The following ANKRD17 variants were observed in gnomAD, a reference collection of about 807,000 sequenced individuals.
ANKRD17 encodes the protein ankyrin repeat domain 17.
In ANKRD17, 19 loss-of-function variants were observed where a neutral mutation model predicts 229.7. The observed-to-expected ratio is 0.08, with a 90% confidence interval of 0.06 to 0.12. The LOEUF is 0.12. Ranked by LOEUF, ANKRD17 falls within the 10% of genes least tolerant of loss-of-function variation. ANKRD17 has a pLI of 1.00. For missense variants in ANKRD17, 2,176 were observed against 3,176.8 expected (o/e 0.68, Z 7.57); for synonymous variants, 1,112 against 1,146.1 (o/e 0.97, Z 0.60).
intron 2 of ANKRD17, among the ~76,000 whole-genome samples, chr4:73,164,332 A>G (rs1158478288): frequency 3.3e-5 from 5 of 152,256 alleles, no homozygotes; most frequent in South Asian, 2.1e-4. Flanking sequence ...TTGTATCTTC[A>G]TAAGTAAAGA....
chr4:73,098,024 G>A, intron 26 of ANKRD17, 49 bp downstream of exon 26: 2 of 1,487,168 alleles, frequency 1.3e-6, no homozygotes, highest in Middle Eastern at 2.1e-4. Flanking sequence ...CAGTAATAAG[G>A]TATTTCATGA....
intron 1 of ANKRD17, among the ~76,000 whole-genome samples, chr4:73,192,960 T>C (rs1158502754): frequency 6.6e-6 from 1 of 152,200 alleles, no homozygotes; most frequent in African/African-American, 2.4e-5. Flanking sequence ...TATTGAAGTA[T>C]ACTTTAGAGT....
intron 1 of ANKRD17, among the ~76,000 whole-genome samples, chr4:73,215,388 T>C (rs1050739725): frequency 2.6e-5 from 4 of 151,954 alleles, no homozygotes; most frequent in Non-Finnish European, 5.9e-5. Flanking sequence ...GCCTGCCGAG[T>C]AGCTGGGACT....
chr4:73,094,741 A>G (rs1342035658), intron 27 of ANKRD17, among the ~76,000 whole-genome samples: 1 of 150,724 alleles, frequency 6.6e-6, no homozygotes, highest in African/African-American at 2.4e-5. Context: ...TATATATTAT[A>G]TGTGTGTGTG....
intron 29 of ANKRD17, among the ~76,000 whole-genome samples, chr4:73,089,710 GT>G (rs937950314): frequency 6.6e-6 from 1 of 151,858 alleles, no homozygotes; most frequent in African/African-American, 2.4e-5. Context: ...AAAGTAAAAA[GT>G]TTTTTTTAAA....
At chr4:73,189,767 C>A (rs1303215564) in intron 1 of ANKRD17, among the ~76,000 whole-genome samples, 2 of 152,118 alleles carry the variant, frequency 1.3e-5, no homozygotes, top group East Asian at 1.9e-4. Flanking sequence ...ACTACCACAG[C>A]CTGAAATTAT....
intron 1 of ANKRD17, among the ~76,000 whole-genome samples, chr4:73,189,395 C>T (rs988146772): frequency 6.4e-5 from 9 of 141,388 alleles, no homozygotes; most frequent in South Asian, 2.2e-4. Flanking sequence ...TATTCCTCTG[C>T]CTGGAATGTT....
intron 1 of ANKRD17, among the ~76,000 whole-genome samples, chr4:73,215,516 C>T (rs1258057995): frequency 6.6e-6 from 1 of 152,152 alleles, no homozygotes; most frequent in Non-Finnish European, 1.5e-5. Context: ...TCTCAGCCTC[C>T]CAAAGTGCTG....
chr4:73,232,722 AC>A (rs1032418731), intron 1 of ANKRD17, among the ~76,000 whole-genome samples: 1 of 151,068 alleles, frequency 6.6e-6, no homozygotes, highest in Non-Finnish European at 1.5e-5. Flanking sequence ...TGTCTGCAAT[AC>A]CCCCCCTTTT....
chr4:73,238,751 T>C (rs72663022), intron 1 of ANKRD17, among the ~76,000 whole-genome samples: 1 of 152,230 alleles, frequency 6.6e-6, no homozygotes, highest in Non-Finnish European at 1.5e-5. Context: ...AACATATTTC[T>C]TGAGCAATTA....
In ANKRD17 at chr4:73,082,527, G is replaced by A. The variant is rs1375162773; in HGVS notation, c.7159+2722C>T. On this transcript the variant is annotated intron_variant, in intron 30 of 33. Coordinates refer to ENST00000358602, the MANE Select transcript of ANKRD17 (RefSeq NM_032217.5). The stretch of plus-strand genomic sequence containing the variant: ...GAGAGGAGAGAGGAGAGAACAAAAA[G>A]TGCTTCTACAGTAAAATTACATGAA... Among the ~76,000 whole-genome samples, 3 of 152,164 alleles carry A rather than the reference G, an allele frequency of 2.0e-5. No homozygotes were observed. The South Asian group carries it at 6.2e-4, about 32-fold the overall frequency.
chr4:73,216,484 C>T (rs929136716), intron 1 of ANKRD17, among the ~76,000 whole-genome samples: 3 of 152,012 alleles, frequency 2.0e-5, no homozygotes, highest in East Asian at 1.9e-4. Flanking sequence ...TGTCAAATGG[C>T]GGGGGTGACA....
intron 2 of ANKRD17, among the ~76,000 whole-genome samples, chr4:73,163,071 G>T (rs917303829): frequency 2.1e-5 from 3 of 144,764 alleles, no homozygotes; most frequent in Non-Finnish European, 3.0e-5. Flanking sequence ...TCACTATGTT[G>T]CCCAAGCTGG....
rs770291958 is a variant in ANKRD17, at chr4:73,148,804, T to TA, written c.1567+8dup. 4.0e-5 allele frequency: 65 copies of TA among 1,607,812 alleles called. No individual in the cohort carries two copies. The highest frequency in any genetic ancestry group is 4.9e-5 in the Non-Finnish European group (57 of 1,174,408). On this transcript the variant is annotated intron_variant, in intron 8 of 33. Transcript: ENST00000358602. ...ATTTATACTTTAGTGTCTTGATAGATACGGTTACCTTGACCAAGAAGTAAT... is the reference window on the plus strand; with the variant it reads ...ATTTATACTTTAGTGTCTTGATAGATAACGGTTACCTTGACCAAGAAGTAAT...
In ANKRD17 at chr4:73,083,922, T is replaced by C. The variant is rs369267728; in HGVS notation, c.7159+1327A>G. On this transcript the variant is annotated intron_variant, in intron 30 of 33. Coordinates refer to ENST00000358602, the MANE Select transcript of ANKRD17 (RefSeq NM_032217.5). ...TCCAGTATTGCTAGTTAGAAGAAATTTGATAGTTAAAAAAAAAAACAAAAC... is the reference window on the plus strand; with the variant it reads ...TCCAGTATTGCTAGTTAGAAGAAATCTGATAGTTAAAAAAAAAAACAAAAC... Among the ~76,000 whole-genome samples the C allele has an allele frequency of 3.6e-4, 54 of 151,362 alleles. No homozygotes were observed. In the East Asian group the frequency reaches 0.01, roughly 28 times the overall value.
chr4:73,177,361 T>TA lies in ANKRD17; in HGVS notation c.547+18dup. ...ACTTTACATAACAAGGTAGACTTAT[T>TA]ACTATGTAGAGTACATACCTGCAGC... On this transcript the variant is annotated intron_variant, in intron 2 of 33. Transcript: ENST00000358602. The TA allele has an allele frequency of 6.6e-7, 1 of 1,508,670 alleles. No homozygotes were observed. Among genetic ancestry groups the TA allele is most frequent in the Non-Finnish European group, 8.9e-7 (1 of 1,119,568 alleles). 93.5% of individuals were successfully genotyped at this position (1,508,670 alleles called of 1,614,324 possible). A position where few individuals can be genotyped will look rare whatever the true frequency, so the allele number is the denominator to read the frequency against.
At chr4:73,172,627 G>A (rs1734191828) in intron 2 of ANKRD17, among the ~76,000 whole-genome samples, 1 of 152,100 alleles carries the variant, frequency 6.6e-6, no homozygotes, top group Non-Finnish European at 1.5e-5. Flanking sequence ...AGCACAGTAA[G>A]ATATAAACAG....
At chr4:73,090,282 C>T (rs1226246778) in intron 29 of ANKRD17, among the ~76,000 whole-genome samples, 4 of 151,944 alleles carry the variant, frequency 2.6e-5, no homozygotes, top group African/African-American at 9.7e-5. Context: ...TGGTGGTGCA[C>T]GTCTGTAATC....
At chr4:73,175,412 G>C (rs558241023) in intron 2 of ANKRD17, among the ~76,000 whole-genome samples, 1 of 152,058 alleles carries the variant, frequency 6.6e-6, no homozygotes, top group South Asian at 2.1e-4. Flanking sequence ...TACAATTCAA[G>C]GTAAGATTTT....
Sources: allele counts gnomAD v4.1 joint callset (sites outside exome capture counted in the v4.1 genomes callset), GRCh38; gene constraint gnomAD v4.1.1; transcripts MANE v1.5; gene names NCBI Gene and HGNC (gene_info 2026-07-23, HGNC 2026-07-21).